The following HDAC4 variants were observed in gnomAD, a reference collection of about 807,000 sequenced individuals.
HDAC4 encodes histone deacetylase 4.
In HDAC4, 16 loss-of-function variants were observed where a neutral mutation model predicts 135.1. The ratio of observed to expected loss-of-function variants is 0.12; its 90% CI spans 0.08 to 0.18. HDAC4 has a LOEUF of 0.18. Among genes scored for constraint, HDAC4 ranks in the 10% least tolerant of loss-of-function variants. HDAC4 has a pLI of 1.00. For synonymous variants in HDAC4, 685 were observed against 653.4 expected, an observed-to-expected ratio of 1.05 and a Z score of -0.74; for missense variants, 1,143 against 1,511.8, an observed-to-expected ratio of 0.76 and a Z score of 4.05.
At chr2:239,101,391 C>T (rs1301515749) in intron 16 of HDAC4, among the ~76,000 whole-genome samples, 1 of 152,280 alleles carries the variant, frequency 6.6e-6, no homozygotes, top group African/African-American at 2.4e-5. Flanking sequence ...AGTGAGTGAA[C>T]GCATGAAGGA....
At chr2:239,131,709 C>G (rs2040597534) in intron 11 of HDAC4, among the ~76,000 whole-genome samples, 1 of 152,224 alleles carries the variant, frequency 6.6e-6, no homozygotes, top group African/African-American at 2.4e-5. Context: ...CAAGCTGGGA[C>G]TTCACTCCAG....
At chr2:239,206,195 G>A (rs968942065) in intron 3 of HDAC4, among the ~76,000 whole-genome samples, 2 of 152,152 alleles carry the variant, frequency 1.3e-5, no homozygotes, top group Non-Finnish European at 2.9e-5. Flanking sequence ...AAGTGTGGTG[G>A]TGCATGCCTG....
rs144482912 is a variant in HDAC4, at chr2:239,355,928, G to A, written c.-219-3010C>T. 5.1e-4 allele frequency among the ~76,000 whole-genome samples: 77 copies of A among 152,258 alleles called. 1 individual carries two copies. The highest frequency in any genetic ancestry group is 1.9e-3 in the African/African-American group (77 of 41,554). On this transcript the variant is annotated intron_variant, in intron 1 of 26. Transcript: ENST00000543185. ...TAACATAGTGCTGACAGCTAGAAAC[G>A]GATTCTTCTCCCAACTGCAGATTCA...
At chr2:239,293,748 T>G (rs1270701922) in intron 2 of HDAC4, among the ~76,000 whole-genome samples, 6 of 152,206 alleles carry the variant, frequency 3.9e-5, no homozygotes, top group African/African-American at 2.4e-5. Flanking sequence ...TTGGGTCCAC[T>G]GCACCCTATA....
intron 14 of HDAC4, among the ~76,000 whole-genome samples, chr2:239,110,895 T>C (rs1302238798): frequency 6.6e-6 from 1 of 152,198 alleles, no homozygotes; most frequent in Non-Finnish European, 1.5e-5. Flanking sequence ...GGCAGACAAG[T>C]CCAGGGCCCG....
At chr2:239,140,983 C>T (rs918303845) in intron 8 of HDAC4, 4 of 416,358 alleles carry the variant, frequency 9.6e-6, no homozygotes, top group East Asian at 9.1e-5. Flanking sequence ...CCACAGCTCC[C>T]CCAACCTGGC....
In HDAC4 at chr2:239,115,189, T is replaced by G. The variant is rs766582218; in HGVS notation, c.1655A>C (p.Gln552Pro). The G allele has an allele frequency of 1.2e-6, 2 of 1,611,108 alleles. No individual in the cohort carries two copies. The highest frequency in any genetic ancestry group is 1.7e-6 in the Non-Finnish European group (2 of 1,179,904). Reference protein sequence around the residue: ...DEPYLDRLPGQKEAHAQAGVQ... With the variant: ...DEPYLDRLPGPKEAHAQAGVQ... ...GCCGGCCTGTGCGTGCGCCTCCTTC[T>G]GCCCCGGCAGCCGGTCCAGGTAGGG... The change falls in exon 13 of 27, where the codon CAG becomes CCG. Residue 552 changes from glutamine to proline, a missense_variant. Gln to Pro is a moderately conservative substitution (Grantham distance 76). Transcript: ENST00000543185. This position sits in a 1 kb window ranked among gnomAD's most constrained non-coding sequence, Gnocchi z 6.3.
At chr2:239,174,003 A>G (rs910995806) in intron 5 of HDAC4, among the ~76,000 whole-genome samples, 3 of 152,362 alleles carry the variant, frequency 2.0e-5, no homozygotes, top group Non-Finnish European at 2.9e-5. Flanking sequence ...TGTTGTAAAA[A>G]TATCAGGTCT....
In HDAC4 at chr2:239,108,038, G is replaced by T; in HGVS notation, c.2112+12C>A. 2 of 1,610,538 alleles carry T rather than the reference G, an allele frequency of 1.2e-6. No homozygotes were observed. Among genetic ancestry groups the T allele is most frequent in the Non-Finnish European group, 1.7e-6 (2 of 1,179,744 alleles). ...AAAGCCGCAGCTGCCCACCTGCCCC[G>T]GTCGGCGTTACCTCGCATTTGCCCC... On this transcript the variant is annotated intron_variant, in intron 15 of 26. Transcript: ENST00000543185.
At chr2:239,305,318 C>A (rs1418538366) in intron 2 of HDAC4, 1 of 152,632 alleles carries the variant, frequency 6.6e-6, no homozygotes, top group Non-Finnish European at 1.5e-5. Context: ...GCTTGGCACA[C>A]CTTCACCCTC....
intron 1 of HDAC4, among the ~76,000 whole-genome samples, chr2:239,378,720 A>AACCCCGGGAACCAATG (rs1559396253): frequency 1.3e-5 from 2 of 149,540 alleles, no homozygotes; most frequent in Non-Finnish European, 3.0e-5. Context: ...GGGAACCAAT[A>AACCCCGGGAACCAATG]ACCCCAGGAA....
In HDAC4 at chr2:239,139,664, G is replaced by GC; in HGVS notation, c.978+19_978+20insG. 2 of 1,604,724 alleles carry GC rather than the reference G, an allele frequency of 1.2e-6. No individual in the cohort carries two copies. Among genetic ancestry groups the GC allele is most frequent in the African/African-American group, 2.7e-5 (2 of 74,910 alleles). ...GTCCGACTCTAGCCGTAGGACACAGGACAAACGCTTCGCACTGACCTCCGC... is the reference window on the plus strand; with the variant it reads ...GTCCGACTCTAGCCGTAGGACACAGGCACAAACGCTTCGCACTGACCTCCGC... On this transcript the variant is annotated intron_variant, in intron 9 of 26. Coordinates refer to ENST00000543185, the MANE Select transcript of HDAC4 (RefSeq NM_001378414.1). This position sits in a 1 kb window ranked among gnomAD's most constrained non-coding sequence, Gnocchi z 5.3.
chr2:239,387,080 G>A (rs968338745), intron 1 of HDAC4, among the ~76,000 whole-genome samples: 2 of 140,972 alleles, frequency 1.4e-5, no homozygotes, highest in Non-Finnish European at 2.9e-5. Flanking sequence ...CGGGGAGCAC[G>A]AGTGTGTGGG....
intron 1 of HDAC4, among the ~76,000 whole-genome samples, chr2:239,359,425 T>A (rs575119439): frequency 5.3e-4 from 81 of 152,356 alleles, no homozygotes; most frequent in African/African-American, 1.9e-3. Flanking sequence ...GGCTGTGTCA[T>A]GAACAAGAGG....
At chr2:239,081,956 C>G in intron 21 of HDAC4, 146 bp downstream of exon 21, 1 of 795,778 alleles carries the variant, frequency 1.3e-6, no homozygotes, top group Admixed American at 2.1e-5. Flanking sequence ...AGGCTGACGT[C>G]TGACTGAAGT....
At chr2:239,063,059 C>T (rs917241253) in intron 24 of HDAC4, among the ~76,000 whole-genome samples, 3 of 152,166 alleles carry the variant, frequency 2.0e-5, no homozygotes, top group Admixed American at 6.5e-5. Context: ...AGTCTTGTGC[C>T]CTTGGGGCTT....
In HDAC4 at chr2:239,245,692, G is replaced by A. The variant is rs1012047655; in HGVS notation, c.23-9028C>T. Among the ~76,000 whole-genome samples, 1 of 152,120 alleles carries A rather than the reference G, an allele frequency of 6.6e-6. No individual in the cohort carries two copies. Among genetic ancestry groups the A allele is most frequent in the Non-Finnish European group, 1.5e-5 (1 of 68,018 alleles). ...CTGTGGGCACTCGCTCTATGCACTGGTCTCTTTCCTTTCATATATCTTTGA... is the reference window on the plus strand; with the variant it reads ...CTGTGGGCACTCGCTCTATGCACTGATCTCTTTCCTTTCATATATCTTTGA... On this transcript the variant is annotated intron_variant, in intron 2 of 26. Transcript: ENST00000543185. The surrounding 1 kb of genome is among the most constrained non-coding windows in gnomAD (Gnocchi z 4.4).
At chr2:239,177,544 G>T (rs1258973947) in intron 4 of HDAC4, among the ~76,000 whole-genome samples, 1 of 152,202 alleles carries the variant, frequency 6.6e-6, no homozygotes, top group Admixed American at 6.5e-5. Flanking sequence ...TGTCCGACCT[G>T]TTGACTGTCT....
intron 2 of HDAC4, among the ~76,000 whole-genome samples, chr2:239,329,491 C>A (rs1691408603): frequency 6.6e-6 from 1 of 152,096 alleles, no homozygotes; most frequent in African/African-American, 2.4e-5. Flanking sequence ...GCTTTCTGCA[C>A]ACCCCTCCTC....
Sources: allele counts gnomAD v4.1 joint callset (sites outside exome capture counted in the v4.1 genomes callset), GRCh38; gene constraint gnomAD v4.1.1; non-coding constraint Gnocchi (gnomAD v3.1); transcripts MANE v1.5; gene names NCBI Gene and HGNC (gene_info 2026-07-23, HGNC 2026-07-21).